The following ZNF429 variants were observed in gnomAD, a reference collection of about 807,000 sequenced individuals.
ZNF429 encodes the protein zinc finger protein 429.
Under a neutral mutation model 56.8 loss-of-function variants are expected in ZNF429, and 53 were observed. The ratio of observed to expected loss-of-function variants is 0.93; its 90% CI spans 0.75 to 1.17. The LOEUF (loss-of-function observed/expected upper bound fraction) is 1.17, where lower values mean the gene tolerates loss of function less well. Among genes scored for constraint, ZNF429 ranks in the 50% most tolerant of loss-of-function variants. The pLI is 0.00. For synonymous variants in ZNF429, 278 were observed against 264.7 expected, an observed-to-expected ratio of 1.05 and a Z score of -0.49; for missense variants, 849 against 788.4, an observed-to-expected ratio of 1.08 and a Z score of -0.92.
chr19:21,530,942 C>G, intron 3 of ZNF429, among the ~76,000 whole-genome samples: 1 of 151,742 alleles, frequency 6.6e-6, no homozygotes, highest in African/African-American at 2.4e-5. Flanking sequence ...TGCATCTCTA[C>G]TAACAGTACA....
chr19:21,533,035 T>G, intron 3 of ZNF429, among the ~76,000 whole-genome samples: 3 of 151,908 alleles, frequency 2.0e-5, no homozygotes, highest in Non-Finnish European at 4.4e-5. Flanking sequence ...TTGAGAAACA[T>G]AACATTTTAA....
In ZNF429 at chr19:21,533,215, T is replaced by C; in HGVS notation, c.226+2531T>C. 3.3e-5 allele frequency among the ~76,000 whole-genome samples: 5 copies of C among 151,960 alleles called. No individual in the cohort carries two copies. The South Asian group carries it at 1.0e-3, about 31-fold the overall frequency. ...GCATATCTCTACAAATTAGTGATCT[T>C]GTGTTCTTAAATGCTTTTTTTCCAG... On this transcript the variant is annotated intron_variant, in intron 3 of 3. Transcript: ENST00000358491.
intron 1 of ZNF429, among the ~76,000 whole-genome samples, chr19:21,524,756 A>T (rs921632945): frequency 6.6e-6 from 1 of 152,158 alleles, no homozygotes; most frequent in Non-Finnish European, 1.5e-5. Context: ...ACATTTGATG[A>T]TGTCCAGAGC....
chr19:21,533,083 G>A, intron 3 of ZNF429, among the ~76,000 whole-genome samples: 1 of 151,822 alleles, frequency 6.6e-6, no homozygotes, highest in Non-Finnish European at 1.5e-5. Context: ...AATGAACATG[G>A]GTTTCATTTT....
At chr19:21,517,976 T>C (rs375704057) in intron 1 of ZNF429, among the ~76,000 whole-genome samples, 2 of 151,892 alleles carry the variant, frequency 1.3e-5, no homozygotes, top group Non-Finnish European at 2.9e-5. Context: ...TTTTATATTC[T>C]TAGTAGAGAC....
At chr19:21,528,110 T>TC (rs2033233935) in intron 1 of ZNF429, among the ~76,000 whole-genome samples, 1 of 152,196 alleles carries the variant, frequency 6.6e-6, no homozygotes, top group Non-Finnish European at 1.5e-5. Flanking sequence ...TGCAGAATTC[T>TC]CACCGATTAT....
chr19:21,513,078 A>G (rs1405116231), intron 1 of ZNF429, among the ~76,000 whole-genome samples: 1 of 151,940 alleles, frequency 6.6e-6, no homozygotes, highest in Non-Finnish European at 1.5e-5. Flanking sequence ...TCACTATGTC[A>G]GCCAGGATGG....
rs1375743018 is a variant in ZNF429 at position 21,539,960 on chromosome 19, G to T, written c.*1882G>T. On this transcript the variant is annotated 3_prime_UTR_variant, in exon 4 of 4. Coordinates refer to ENST00000358491, the MANE Select transcript of ZNF429 (RefSeq NM_001001415.4). The stretch of plus-strand genomic sequence containing the variant: ...AAGATGCTTGATGAAAATCTAAGTG[G>T]AGAGGCTCTTTGTGGTTAACTTATT... Among the ~76,000 whole-genome samples, 1 of 152,060 alleles carries T rather than the reference G, an allele frequency of 6.6e-6. No individual in the cohort carries two copies. The highest frequency in any genetic ancestry group is 1.5e-5 in the Non-Finnish European group (1 of 68,006).
chr19:21,506,386 A>G (rs2032149180), intron 1 of ZNF429, among the ~76,000 whole-genome samples: 1 of 148,984 alleles, frequency 6.7e-6, no homozygotes, highest in Admixed American at 6.8e-5. Flanking sequence ...TAAACCCAGG[A>G]GACCAAGATT....
At chr19:21,528,919 C>G (rs2033267921) in intron 1 of ZNF429, among the ~76,000 whole-genome samples, 1 of 152,180 alleles carries the variant, frequency 6.6e-6, no homozygotes, top group South Asian at 2.1e-4. Context: ...TTAAAGAACT[C>G]TCTGACAGAC....
intron 3 of ZNF429, among the ~76,000 whole-genome samples, chr19:21,531,120 A>ACAAC: frequency 2.2e-5 from 2 of 90,284 alleles, no homozygotes; most frequent in Non-Finnish European, 4.7e-5. Context: ...AAAAAAAAAA[A>ACAAC]AAAAAAAAAC....
Position 21,505,697 on chromosome 19 carries a change from G to A in ZNF429, c.-75G>A, listed in dbSNP as rs985267650. 3 of 1,540,942 alleles carry A rather than the reference G, an allele frequency of 1.9e-6. No individual in the cohort carries two copies. The African/African-American group carries it at 4.1e-5, about 21-fold the overall frequency. ...TGTGTCCTTTGTTCTTAGAGGCCCA[G>A]CCTGTGTGGCCCTGTGACCCGCAGA... On this transcript the variant is annotated 5_prime_UTR_variant, in exon 1 of 4. Transcript: ENST00000358491.
rs1364269065 is a variant in ZNF429 at position 21,537,123 on chromosome 19, C to T, written c.1070C>T (p.Thr357Ile). ...GKAFNWSSTL[T>I]KHKVIHTGEK... ...GCCTTTAACTGGTCTTCAACTCTTACTAAACATAAGGTAATTCATACTGGA... is the reference window on the plus strand; with the variant it reads ...GCCTTTAACTGGTCTTCAACTCTTATTAAACATAAGGTAATTCATACTGGA... The change falls in exon 4 of 4, where the codon ACT (threonine) becomes ATT (isoleucine). Residue 357 changes from threonine (T) to isoleucine (I), a missense_variant. Physicochemically the swap from Thr to Ile is moderately conservative, Grantham distance 89 (BLOSUM62 -1). Coordinates refer to ENST00000358491, the MANE Select transcript of ZNF429 (RefSeq NM_001001415.4). The T allele has an allele frequency of 6.2e-7, 1 of 1,613,418 alleles. No individual in the cohort carries two copies. Among genetic ancestry groups the T allele is most frequent in the East Asian group, 2.2e-5 (1 of 44,788 alleles).
intron 1 of ZNF429, among the ~76,000 whole-genome samples, chr19:21,509,372 T>G (rs2032345193): frequency 6.6e-6 from 1 of 152,200 alleles, no homozygotes. Flanking sequence ...CTTTTCTTAT[T>G]GAGGTATGAA....
intron 2 of ZNF429, 79 bp from the exon 3 acceptor site, chr19:21,530,510 C>G: frequency 1.1e-6 from 1 of 889,798 alleles, no homozygotes. Context: ...TATATTACAT[C>G]CTCTTTACTG....
At chr19:21,521,191 G>A (rs551649257) in intron 1 of ZNF429, among the ~76,000 whole-genome samples, 62 of 152,296 alleles carry the variant, frequency 4.1e-4, no homozygotes, top group African/African-American at 1.3e-3. Context: ...TGGTTTCAGT[G>A]TCTTATTTCA....
intron 1 of ZNF429, among the ~76,000 whole-genome samples, chr19:21,508,198 G>A (rs1023194122): frequency 1.3e-5 from 2 of 151,498 alleles, no homozygotes; most frequent in African/African-American, 2.4e-5. Flanking sequence ...AGCCGAGATC[G>A]TGCCATTGCA....
chr19:21,509,869 G>T (rs1318039898), intron 1 of ZNF429, among the ~76,000 whole-genome samples: 3 of 152,044 alleles, frequency 2.0e-5, no homozygotes, highest in Non-Finnish European at 4.4e-5. Flanking sequence ...TTTAAGGATT[G>T]CAAAGTTTAG....
chr19:21,530,628 A>T lies in ZNF429; in HGVS notation c.170A>T (p.Glu57Val). Residue 57 changes from glutamate to valine, a missense_variant, in exon 3 of 4, where the codon GAG (glutamate) becomes GTG (valine). By Grantham distance (121) the Glu-to-Val change is moderately radical. Transcript: ENST00000358491. ...AAGCCAGACCTAATCACTTGTCTAG[A>T]GAAAGAAAAAGAACCCTGCAAGATG... ...VSKPDLITCL[E>V]KEKEPCKMKR... is the part of the protein sequence containing the mutation. 6.2e-7 allele frequency: 1 copy of T among 1,612,256 alleles called. No homozygotes were observed. Among genetic ancestry groups the T allele is most frequent in the Non-Finnish European group, 8.5e-7 (1 of 1,179,226 alleles).
Sources: gnomAD v4.1 joint callset for allele counts (sites outside exome capture counted in the v4.1 genomes callset) on GRCh38, gnomAD v4.1.1 for gene constraint, MANE v1.5 for transcripts, NCBI Gene and HGNC (gene_info 2026-07-23, HGNC 2026-07-21) for gene names.